The following METTL21A variants were observed in gnomAD, a reference collection of about 807,000 sequenced individuals.
The protein encoded by METTL21A is protein N-lysine methyltransferase METTL21A.
Under a neutral mutation model 20.9 loss-of-function variants are expected in METTL21A, and 22 were observed. The ratio of observed to expected loss-of-function variants is 1.05; its 90% CI spans 0.75 to 1.50. The LOEUF (loss-of-function observed/expected upper bound fraction) is 1.50, where lower values mean the gene tolerates loss of function less well. Ranked by LOEUF, METTL21A falls within the 40% of genes most tolerant of loss-of-function variation. The probability of loss-of-function intolerance (pLI) is 0.00; values close to 1 mark genes in which losing one functional copy is unlikely to be tolerated. For synonymous variants in METTL21A, 93 were observed against 102.0 expected (o/e 0.91, Z 0.53); for missense variants, 271 against 266.8 (o/e 1.02, Z -0.11).
At chr2:207,590,681 G>GCAGA (rs1379683389) in intron 3 of METTL21A, among the ~76,000 whole-genome samples, 21 of 152,098 alleles carry the variant, frequency 1.4e-4, no homozygotes, top group African/African-American at 4.8e-4. Flanking sequence ...TTCAGGCTTT[G>GCAGA]CAGACCAAAT....
At chr2:207,600,238 CATATAT>C (rs71036937) in intron 3 of METTL21A, 1,606 of 145,566 alleles carry the variant, frequency 0.011, 13 homozygotes, top group African/African-American at 0.02. Flanking sequence ...TATATGTGTA[CATATAT>C]ATATATATAT....
intron 3 of METTL21A, among the ~76,000 whole-genome samples, chr2:207,590,538 T>C (rs1308627980): frequency 6.6e-6 from 1 of 152,108 alleles, no homozygotes; most frequent in Admixed American, 6.6e-5. Context: ...TCATTAACTG[T>C]AAATTTTTTC....
In METTL21A at chr2:207,595,137, A is replaced by G. The variant is rs180929561; in HGVS notation, c.260-12977T>C. On this transcript the variant is annotated intron_variant, in intron 3 of 3. Coordinates refer to the METTL21A transcript ENST00000425132. ...CAGCCTCCTGAGTAGCTGGGACTAC[A>G]GGCACCCACCACCATACCTGGCTAA... 6.3e-3 allele frequency among the ~76,000 whole-genome samples: 950 copies of G among 151,712 alleles called. 10 individuals are homozygous for G. The highest frequency in any genetic ancestry group is 0.021 in the African/African-American group (883 of 41,356).
intron 3 of METTL21A, chr2:207,598,017 A>G (rs530684343): frequency 5.5e-6 from 1 of 182,450 alleles, no homozygotes; most frequent in Admixed American, 6.3e-5. Flanking sequence ...TGCCCATTGC[A>G]CTTACATACC....
Position 207,613,171 on chromosome 2 carries a change from C to A in METTL21A, c.532G>T (p.Glu178Ter). The A allele has an allele frequency of 2.5e-6, 4 of 1,614,058 alleles. No homozygotes were observed. Among genetic ancestry groups the A allele is most frequent in the Non-Finnish European group, 3.4e-6 (4 of 1,180,006 alleles). ...ATTGCTAAGAAGTTGTTATCCCGTT[C>A]ATAGCGAATTCGGCATGCTAAAAGA... Residue 178 changes from glutamate (E) to a stop codon, truncating the protein, a stop_gained, in exon 4 of 4, where the codon GAA becomes TAA. Coordinates refer to ENST00000406927, the Ensembl canonical transcript of METTL21A. LOFTEE classifies it high-confidence loss of function.
chr2:207,600,853 A>C (rs1575064473), intron 3 of METTL21A: 1 of 205,110 alleles, frequency 4.9e-6, no homozygotes, highest in East Asian at 7.4e-5. Context: ...AATCATACAA[A>C]GGCTTAGGAA....
chr2:207,584,222 A>G (rs1214668191), intron 3 of METTL21A, among the ~76,000 whole-genome samples: 2 of 152,248 alleles, frequency 1.3e-5, no homozygotes, highest in African/African-American at 4.8e-5. Context: ...AACTTTTTAA[A>G]TAAACTGTCC....
chr2:207,607,130 T>C (rs2088232945), downstream of METTL21A, among the ~76,000 whole-genome samples: 1 of 152,148 alleles, frequency 6.6e-6, no homozygotes, highest in Admixed American at 6.5e-5. Flanking sequence ...GGCTCACACC[T>C]GTAATCCCTG....
chr2:207,590,502 AGTT>A (rs1048416828), intron 3 of METTL21A, among the ~76,000 whole-genome samples: 6 of 150,676 alleles, frequency 4.0e-5, no homozygotes, highest in East Asian at 2.0e-4. Flanking sequence ...TGGTTTTTTT[AGTT>A]GTTCTCTTTC....
At chr2:207,613,193 A>G in exon 4 of METTL21A, 1 of 1,614,058 alleles carries the variant, frequency 6.2e-7, no homozygotes, top group African/African-American at 1.3e-5. Context: ...GGCATGCTAA[A>G]AGAATCACAG....
chr2:207,615,276 A>T (rs1321322176), intron 3 of METTL21A, among the ~76,000 whole-genome samples: 3 of 151,952 alleles, frequency 2.0e-5, no homozygotes, highest in Non-Finnish European at 4.4e-5. Flanking sequence ...GTTCAAGACC[A>T]GCCCTGACAA....
At chr2:207,587,417 A>G (rs565615845) in intron 3 of METTL21A, among the ~76,000 whole-genome samples, 2 of 151,876 alleles carry the variant, frequency 1.3e-5, no homozygotes, top group Non-Finnish European at 2.9e-5. Context: ...GGAAAAAGAA[A>G]AAAACACACA....
At chr2:207,619,343 G>A in intron 3 of METTL21A, among the ~76,000 whole-genome samples, 1 of 152,174 alleles carries the variant, frequency 6.6e-6, no homozygotes, top group Non-Finnish European at 1.5e-5. Flanking sequence ...TACAAAAAGA[G>A]AATATACTTT....
At chr2:207,603,520 G>T in intron 3 of METTL21A, 1 of 224,252 alleles carries the variant, frequency 4.5e-6, no homozygotes. Flanking sequence ...TGGACTTAAA[G>T]TTACAATATA....
At chr2:207,625,011 C>CG (rs2090963470) in intron 1 of METTL21A, 51 bp downstream of exon 1, 1 of 152,332 alleles carries the variant, frequency 6.6e-6, no homozygotes, top group Admixed American at 6.5e-5. Context: ...GCGGGGACAG[C>CG]GGGGACTCGG....
chr2:207,586,761 C>T (rs552380767), intron 3 of METTL21A, among the ~76,000 whole-genome samples: 1 of 152,078 alleles, frequency 6.6e-6, no homozygotes, highest in Non-Finnish European at 1.5e-5. Flanking sequence ...AGACATTTCT[C>T]AAAAGAAGAC....
chr2:207,599,166 G>C, intron 3 of METTL21A: 1 of 196,462 alleles, frequency 5.1e-6, no homozygotes, highest in Middle Eastern at 1.8e-3. Flanking sequence ...TTCTCAAGAA[G>C]GCTTTCAAAC....
chr2:207,581,880 A>C, exon 4 of METTL21A: 1 of 702,926 alleles, frequency 1.4e-6, no homozygotes, highest in Non-Finnish European at 2.6e-6. Flanking sequence ...ATGGCCTTGT[A>C]ACTTTTGAAG....
chr2:207,593,849 G>T (rs2085572600), intron 3 of METTL21A, among the ~76,000 whole-genome samples: 1 of 151,534 alleles, frequency 6.6e-6, no homozygotes, highest in Non-Finnish European at 1.5e-5. Flanking sequence ...CTCCCAAGTA[G>T]CTGGGATTAC....
Sources: allele counts gnomAD v4.1 joint callset (sites outside exome capture counted in the v4.1 genomes callset), GRCh38; gene constraint gnomAD v4.1.1; transcripts MANE v1.5; gene names NCBI Gene and HGNC (gene_info 2026-07-23, HGNC 2026-07-21).